Variants in MYO7B observed in about 807,000 individuals in gnomAD.
The protein encoded by MYO7B is unconventional myosin-VIIb.
Under a neutral mutation model 259.7 loss-of-function variants are expected in MYO7B, and 212 were observed. The observed-to-expected ratio is 0.82, with a 90% CI of 0.73 to 0.91. MYO7B has a LOEUF of 0.91. Among genes scored for constraint, MYO7B ranks in the 40% least tolerant of loss-of-function variants. MYO7B has a pLI of 0.00. For synonymous variants in MYO7B, 1,197 were observed against 1,166.4 expected (o/e 1.03, Z -0.54); for missense variants, 2,732 against 2,813.5 (o/e 0.97, Z 0.66).
intron 9 of MYO7B, among the ~76,000 whole-genome samples, chr2:127,578,816 A>G (rs1044946262): frequency 3.9e-5 from 6 of 152,236 alleles, no homozygotes; most frequent in African/African-American, 1.4e-4. Flanking sequence ...AACCGGCAGA[A>G]ATAATAAACA....
chr2:127,555,690 T>C (rs939798452), intron 1 of MYO7B, among the ~76,000 whole-genome samples: 4 of 152,242 alleles, frequency 2.6e-5, no homozygotes, highest in African/African-American at 7.2e-5. Flanking sequence ...TTCATTTCCA[T>C]GTATTTGCAT....
rs770857834 is a variant in MYO7B, at chr2:127,631,163, G to A, written c.4938-43G>A. 7 of 1,539,800 alleles carry A rather than the reference G, an allele frequency of 4.5e-6. No homozygotes were observed. In the South Asian group the frequency reaches 8.7e-5, roughly 19 times the overall value. ...AGAGGACAGAGAAGCGTGGGACAGA[G>A]AAGGCCACAGGGCAGGCCTCACACC... is the stretch of plus-strand genomic sequence containing the variant. On this transcript the variant is annotated intron_variant, in intron 36 of 47. Transcript: ENST00000409816.
intron 15 of MYO7B, among the ~76,000 whole-genome samples, chr2:127,589,052 T>C (rs1469716637): frequency 2.2e-5 from 3 of 135,704 alleles, no homozygotes; most frequent in East Asian, 4.7e-4. Flanking sequence ...GGTGAGTGGA[T>C]GGGTGGATGG....
chr2:127,592,932 G>A lies in MYO7B; in HGVS notation c.2131G>A (p.Ala711Thr), dbSNP rs1679622829. ...GAGGTTCGGCGTGTTGCTGCCCAAC[G>A]CCATGCGGATGCAGGTCAGCGCCCC... is the stretch of plus-strand genomic sequence containing the variant. The part of the protein sequence containing the change: ...SQRFGVLLPN[A>T]MRMQLQGKLR... The change falls in exon 17 of 48, where the codon GCC (alanine) becomes ACC (threonine). Residue 711 changes from alanine (A) to threonine (T), a missense_variant. Ala to Thr is a moderately conservative substitution (Grantham distance 58, BLOSUM62 0). Coordinates refer to ENST00000409816, the MANE Select transcript of MYO7B (RefSeq NM_001393586.1). The A allele has an allele frequency of 6.3e-7, 1 of 1,596,718 alleles. No homozygotes were observed. The highest frequency in any genetic ancestry group is 2.3e-5 in the East Asian group (1 of 43,770).
chr2:127,563,399 C>T (rs979456588), intron 2 of MYO7B, among the ~76,000 whole-genome samples: 31 of 152,324 alleles, frequency 2.0e-4, no homozygotes, highest in African/African-American at 7.0e-4. Context: ...AGAAATCTCA[C>T]ATGTGAATTT....
chr2:127,619,577 G>A (rs540316200), intron 26 of MYO7B, among the ~76,000 whole-genome samples: 10 of 152,086 alleles, frequency 6.6e-5, no homozygotes, highest in Non-Finnish European at 1.0e-4. Flanking sequence ...ATCTCTGTTC[G>A]GTGATGTCGT....
intron 28 of MYO7B, among the ~76,000 whole-genome samples, chr2:127,622,327 A>G (rs944569265): frequency 3.3e-5 from 5 of 152,026 alleles, no homozygotes; most frequent in African/African-American, 1.2e-4. Flanking sequence ...TTAGGGCCCT[A>G]CTAGCTAAGG....
chr2:127,556,739 G>A (rs1300998396), intron 1 of MYO7B, among the ~76,000 whole-genome samples: 1 of 152,222 alleles, frequency 6.6e-6, no homozygotes, highest in African/African-American at 2.4e-5. Flanking sequence ...AGCTTATAGA[G>A]TTTCTGCTGA....
chr2:127,631,118 C>T (rs1429793245), intron 36 of MYO7B, 88 bp from the exon 37 acceptor site: 2 of 1,462,276 alleles, frequency 1.4e-6, no homozygotes, highest in African/African-American at 1.4e-5. Context: ...CTGGCCCTCC[C>T]ACAGCCACTC....
chr2:127,610,205 A>G (rs1159343562), intron 24 of MYO7B, among the ~76,000 whole-genome samples, 189 bp downstream of exon 24: 1 of 152,072 alleles, frequency 6.6e-6, no homozygotes, highest in Non-Finnish European at 1.5e-5. Context: ...TCAGGAGCTC[A>G]TGAATCCCCA....
chr2:127,577,077 C>T lies in MYO7B; in HGVS notation c.849+369C>T, dbSNP rs367865144. Among the ~76,000 whole-genome samples the T allele has an allele frequency of 6.6e-5, 10 of 152,226 alleles. No homozygotes were observed. The highest frequency in any genetic ancestry group is 1.9e-4 in the East Asian group (1 of 5,176). The stretch of plus-strand genomic sequence containing the variant: ...GTCTGTCCTTGCAGGCCCCCTAAAA[C>T]GTAAGCCCCGGGCCCCAGGAAAGCA... On this transcript the variant is annotated intron_variant, in intron 8 of 47. Coordinates refer to ENST00000409816, the MANE Select transcript of MYO7B (RefSeq NM_001393586.1). This position sits in a 1 kb window ranked among gnomAD's most constrained non-coding sequence, Gnocchi z 5.2.
intron 37 of MYO7B, 96 bp from the exon 38 acceptor site, chr2:127,631,504 C>T (rs1458918055): frequency 8.5e-6 from 13 of 1,528,174 alleles, no homozygotes; most frequent in Middle Eastern, 1.9e-4. Context: ...AGAGCCCACA[C>T]ATGGCTCACC....
intron 5 of MYO7B, 51 bp from the exon 6 acceptor site, chr2:127,569,738 G>GA: frequency 1.9e-6 from 3 of 1,573,160 alleles, no homozygotes; most frequent in Admixed American, 1.7e-5. Flanking sequence ...GAGAGGTGTT[G>GA]AAAAAAATAG....
chr2:127,589,927 AGTGGGTGGATGGATACATGGATGGGTGG>A, intron 15 of MYO7B, among the ~76,000 whole-genome samples, 137 bp from the exon 16 acceptor site: 1 of 104,306 alleles, frequency 9.6e-6, no homozygotes, highest in African/African-American at 3.8e-5. Context: ...TGGATGGGTG[AGTGGGTGGATGGATACATGGATGGGTGG>A]GTGGGTGGAT....
rs377301033 is a variant in MYO7B, at chr2:127,627,065, C to T, written c.4306C>T (p.Arg1436Trp). Residue 1436 changes from arginine to tryptophan, a missense_variant, in exon 32 of 48, where the codon CGG (arginine) becomes TGG (tryptophan). Transcript: ENST00000409816. The surrounding 1 kb of genome is among the most constrained non-coding windows in gnomAD (Gnocchi z 5.6). ...ARLQWPLLFSRLFEVITLSGP... is the reference protein window; with the variant it reads ...ARLQWPLLFSWLFEVITLSGP... ...CCTGCAGTGGCCGCTGCTCTTCTCCCGGCTCTTCGAAGTCATCACACTCTC... is the reference window on the plus strand; with the variant it reads ...CCTGCAGTGGCCGCTGCTCTTCTCCTGGCTCTTCGAAGTCATCACACTCTC... 2.8e-5 allele frequency: 45 copies of T among 1,611,376 alleles called. No homozygotes were observed. Among genetic ancestry groups the T allele is most frequent in the South Asian group, 2.2e-4 (20 of 90,656 alleles).
chr2:127,548,617 T>C (rs903029550), intron 1 of MYO7B, among the ~76,000 whole-genome samples: 5 of 152,090 alleles, frequency 3.3e-5, no homozygotes, highest in Non-Finnish European at 4.4e-5. Context: ...GGTTTCACCA[T>C]GTTGGTCAGG....
intron 6 of MYO7B, among the ~76,000 whole-genome samples, chr2:127,570,124 G>C (rs765061681): frequency 4.6e-5 from 7 of 152,114 alleles, no homozygotes; most frequent in Non-Finnish European, 8.8e-5. Context: ...CTTCCACCAG[G>C]TGTGTTTTCC....
chr2:127,603,646 A>C (rs1220476031), intron 19 of MYO7B, among the ~76,000 whole-genome samples: 1 of 152,216 alleles, frequency 6.6e-6, no homozygotes, highest in Non-Finnish European at 1.5e-5. Context: ...GTGATTGTTA[A>C]GGGCCCTAGG....
At position 127,536,798 on chromosome 2, in the gene MYO7B, A is replaced by G. The variant is rs2104776048; in HGVS notation, c.-24+967A>G. ...GATTCACACACACCCTCAGTGAATC[A>G]TTGTTAGGAACCACTCAGCTCATCA... On this transcript the variant is annotated intron_variant, in intron 1 of 47. Coordinates refer to ENST00000409816, the MANE Select transcript of MYO7B (RefSeq NM_001393586.1). 2.0e-5 allele frequency among the ~76,000 whole-genome samples: 3 copies of G among 152,296 alleles called. No homozygotes were observed. The South Asian group carries it at 6.2e-4, about 32-fold the overall frequency.
Sources: allele counts gnomAD v4.1 joint callset (sites outside exome capture counted in the v4.1 genomes callset), GRCh38; gene constraint gnomAD v4.1.1; non-coding constraint Gnocchi (gnomAD v3.1); transcripts MANE v1.5; gene names NCBI Gene and HGNC (gene_info 2026-07-23, HGNC 2026-07-21).